The following DDOST variants were observed in gnomAD, a reference collection of about 807,000 sequenced individuals.
DDOST encodes dolichyl-diphosphooligosaccharide--protein glycosyltransferase non-catalytic subunit, also known as dolichyl-diphosphooligosaccharide--protein glycosyltransferase 48 kDa subunit.
A neutral mutation model predicts 47.6 loss-of-function variants in DDOST; 25 were observed. That is an observed-to-expected ratio of 0.53 (90% confidence interval 0.38 to 0.73). DDOST has a LOEUF of 0.73. Ranked by LOEUF, DDOST falls within the 30% of genes least tolerant of loss-of-function variation. The pLI is 0.00. For missense variants in DDOST, 526 were observed against 573.9 expected (o/e 0.92, Z 0.85); for synonymous variants, 275 against 236.0 (o/e 1.17, Z -1.51).
intron 2 of DDOST, among the ~76,000 whole-genome samples, chr1:20,659,752 C>T (rs911280843): frequency 1.3e-5 from 2 of 152,118 alleles, no homozygotes; most frequent in African/African-American, 4.8e-5. Context: ...TTCGGTGGAA[C>T]TGAATCTCGC....
chr1:20,654,170 A>G (rs1053327164), intron 7 of DDOST, 53 bp downstream of exon 7: 13 of 1,546,228 alleles, frequency 8.4e-6, no homozygotes, highest in Non-Finnish European at 1.0e-5. Flanking sequence ...TCCTCCCCAT[A>G]TACACACACT....
At position 20,655,774 on chromosome 1, in the gene DDOST, G is replaced by C. The variant is rs763699436; in HGVS notation, c.358C>G (p.Pro120Ala). 1.2e-6 allele frequency: 2 copies of C among 1,613,738 alleles called. No individual in the cohort carries two copies. Among genetic ancestry groups the C allele is most frequent in the Non-Finnish European group, 1.7e-6 (2 of 1,179,868 alleles). Reference protein sequence around the residue: ...LVAASSDIGDPLRELGSECGI... With the variant: ...LVAASSDIGDALRELGSECGI... ...CACTCACTGCCCAGCTCTCGAAGAG[G>C]GTCACCTGCACAGACCGAAGAGACA... Residue 120 changes from proline to alanine, a missense_variant, in exon 4 of 11, where the codon CCT (proline) becomes GCT (alanine). Physicochemically the swap from Pro to Ala is conservative, Grantham distance 27. Coordinates refer to ENST00000602624, the MANE Select transcript of DDOST (RefSeq NM_005216.5).
chr1:20,660,686 T>A, intron 2 of DDOST, 195 bp downstream of exon 2: 3 of 524,242 alleles, frequency 5.7e-6, no homozygotes, highest in Non-Finnish European at 1.0e-5. Context: ...TCCACAATCC[T>A]TAGCTGTTTC....
In DDOST at chr1:20,653,755, A is replaced by G. The variant is rs745906369; in HGVS notation, c.814T>C (p.Tyr272His). Reference protein sequence around the residue: ...GSQRYSQTGNYELAVALSRWV... With the variant: ...GSQRYSQTGNHELAVALSRWV... ...CGGGAGAGGGCCACAGCTAGTTCATAGTTGCCTGTCTGGGAATACCTGCAG... is the reference window on the plus strand; with the variant it reads ...CGGGAGAGGGCCACAGCTAGTTCATGGTTGCCTGTCTGGGAATACCTGCAG... Residue 272 changes from tyrosine (Y) to histidine (H), a missense_variant, in exon 8 of 11, where the codon TAT becomes CAT. Transcript: ENST00000602624. 6.2e-7 allele frequency: 1 copy of G among 1,613,708 alleles called. No homozygotes were observed. The highest frequency in any genetic ancestry group is 8.5e-7 in the Non-Finnish European group (1 of 1,179,716).
In DDOST at chr1:20,655,487, G is replaced by T. The variant is rs1187602081; in HGVS notation, c.504C>A (p.Thr168=). The T allele has an allele frequency of 1.2e-6, 2 of 1,614,064 alleles. No homozygotes were observed. The highest frequency in any genetic ancestry group is 1.7e-6 in the Non-Finnish European group (2 of 1,179,962). Residue 168 remains threonine, a synonymous_variant, in exon 5 of 11, where the codon ACC becomes ACA. Transcript: ENST00000602624. ...ADTENLLKAP[T]IVGKSSLNPI... is the part of the protein sequence containing the mutation. ...GATTTAGAGATGATTTCCCAACGATGGTTGGGGCCTTCAGCAGGTTCTCAG... is the reference window on the plus strand; with the variant it reads ...GATTTAGAGATGATTTCCCAACGATTGTTGGGGCCTTCAGCAGGTTCTCAG...
rs1419048530 is a variant in DDOST, at chr1:20,653,630, T to A, written c.939A>T (p.Leu313=). 1 of 1,596,526 alleles carries A rather than the reference T, an allele frequency of 6.3e-7. No individual in the cohort carries two copies. Among genetic ancestry groups the A allele is most frequent in the South Asian group, 1.1e-5 (1 of 89,582 alleles). The change falls in exon 8 of 11, where the codon CTA becomes CTT. Residue 313 remains leucine, a synonymous_variant. Transcript: ENST00000602624. ...APPNAYTVTD[L]VEYSIVIQQL... is the part of the protein sequence containing the mutation. ...TCCCACCCCAAACATCTCTTACCAC[T>A]AGGTCAGTGACAGTGTAGGCATTGG... is the stretch of plus-strand genomic sequence containing the variant.
intron 1 of DDOST, 90 bp from the exon 2 acceptor site, chr1:20,661,081 G>T: frequency 6.8e-7 from 1 of 1,478,976 alleles, no homozygotes; most frequent in Non-Finnish European, 9.3e-7. Context: ...CCAAGCGGCA[G>T]GCCAGACCCG....
At chr1:20,655,155 C>T (rs867863859) in intron 5 of DDOST, among the ~76,000 whole-genome samples, 3 of 144,430 alleles carry the variant, frequency 2.1e-5, no homozygotes, top group South Asian at 2.3e-4. Flanking sequence ...CCACTGCGCT[C>T]GGCCAACTTT....
intron 8 of DDOST, 127 bp from the exon 9 acceptor site, chr1:20,653,098 G>A: frequency 8.5e-6 from 10 of 1,183,212 alleles, no homozygotes; most frequent in Non-Finnish European, 1.1e-5. Context: ...CAGAAGACCT[G>A]CAGATGCCCC....
intron 2 of DDOST, chr1:20,660,350 C>A: frequency 6.5e-6 from 1 of 152,920 alleles, no homozygotes; most frequent in Non-Finnish European, 1.5e-5. Context: ...CCAAGATATT[C>A]ATTCTGTTAA....
In DDOST at chr1:20,653,206, C is replaced by G. The variant is rs2053317410; in HGVS notation, c.943-235G>C. 8.5e-6 allele frequency: 5 copies of G among 588,054 alleles called. No homozygotes were observed. In the Middle Eastern group the frequency reaches 1.4e-3, roughly 161 times the overall value. The allele number at this position is 588,054 out of a possible 1,614,324, so 36.4% of individuals were successfully genotyped here. ...TCTTCTCTGAAGGCCTAGATTCCTTCACACAGTATTCATGGCCCATCAAAG... is the reference window on the plus strand; with the variant it reads ...TCTTCTCTGAAGGCCTAGATTCCTTGACACAGTATTCATGGCCCATCAAAG... On this transcript the variant is annotated intron_variant, in intron 8 of 10. Coordinates refer to ENST00000602624, the MANE Select transcript of DDOST (RefSeq NM_005216.5).
intron 3 of DDOST, 98 bp downstream of exon 3, chr1:20,656,003 G>A: frequency 9.2e-7 from 1 of 1,081,518 alleles, no homozygotes; most frequent in Non-Finnish European, 1.4e-6. Flanking sequence ...CCCAGCTAAG[G>A]CCCACCCAGT....
chr1:20,661,149 T>G, intron 1 of DDOST, 48 bp downstream of exon 1: 1 of 1,591,412 alleles, frequency 6.3e-7, no homozygotes, highest in South Asian at 1.1e-5. Flanking sequence ...CTCGATGCTG[T>G]ACCAACCCCA....
chr1:20,660,812 C>G, intron 2 of DDOST, 69 bp downstream of exon 2: 1 of 920,410 alleles, frequency 1.1e-6, no homozygotes, highest in African/African-American at 1.6e-5. Flanking sequence ...TGCCCAAGAA[C>G]CAGAAGAAAG....
Position 20,655,457 on chromosome 1 carries a change from G to T in DDOST, c.534C>A (p.Ile178=), listed in dbSNP as rs769322830. ...TIVGKSSLNP[I]LFRGVGMVAD... The stretch of plus-strand genomic sequence containing the variant: ...TCACTCACCCAACACCTCGAAAGAG[G>T]ATGGGATTTAGAGATGATTTCCCAA... The change falls in exon 5 of 11, where the codon ATC becomes ATA. Residue 178 remains isoleucine (I), a synonymous_variant. Transcript: ENST00000602624. 6.2e-7 allele frequency: 1 copy of T among 1,613,724 alleles called. No homozygotes were observed. Among genetic ancestry groups the T allele is most frequent in the Admixed American group, 1.7e-5 (1 of 59,980 alleles).
intron 5 of DDOST, 47 bp downstream of exon 5, chr1:20,655,393 C>T (rs774264202): frequency 8.9e-6 from 13 of 1,458,272 alleles, no homozygotes; most frequent in African/African-American, 1.4e-5. Context: ...TAAGTGACCC[C>T]TTCTTCCCCC....
At chr1:20,661,032 G>C (rs1557574808) in intron 1 of DDOST, 41 bp from the exon 2 acceptor site, 4 of 1,530,732 alleles carry the variant, frequency 2.6e-6, no homozygotes, top group East Asian at 4.5e-5. Flanking sequence ...GACGGGACGC[G>C]AAGGGAAACC....
chr1:20,654,422 C>T (rs1188310826), intron 6 of DDOST, 51 bp from the exon 7 acceptor site: 4 of 1,544,210 alleles, frequency 2.6e-6, no homozygotes, highest in South Asian at 1.2e-5. Flanking sequence ...AAGGGAAAAG[C>T]TGCCACGCCT....
chr1:20,660,864 C>G lies in DDOST; in HGVS notation c.265+17G>C. The G allele has an allele frequency of 6.8e-7, 1 of 1,473,302 alleles. No individual in the cohort carries two copies. The highest frequency in any genetic ancestry group is 9.5e-7 in the Non-Finnish European group (1 of 1,053,022). 91.3% of individuals were successfully genotyped at this position (1,473,302 alleles called of 1,614,324 possible). ...GGGTCTCGAATTCCAGTGCTAGGGG[C>G]GACGCGGAACCCTTACCTTCTACCG... On this transcript the variant is annotated intron_variant, in intron 2 of 10. Transcript: ENST00000602624.
Sources: gnomAD v4.1 joint callset for allele counts (sites outside exome capture counted in the v4.1 genomes callset) on GRCh38, gnomAD v4.1.1 for gene constraint, MANE v1.5 for transcripts, NCBI Gene and HGNC (gene_info 2026-07-23, HGNC 2026-07-21) for gene names.